ANTXR1: variants seen among roughly 807,000 people sequenced by gnomAD.
ANTXR1 encodes the protein anthrax toxin receptor 1.
A neutral mutation model predicts 78.1 loss-of-function variants in ANTXR1; 19 were observed. The observed-to-expected ratio is 0.24, with a 90% CI of 0.17 to 0.36. ANTXR1 has a LOEUF of 0.36. Ranked by LOEUF, ANTXR1 falls within the 10% of genes least tolerant of loss-of-function variation. The pLI is 1.00. For missense variants in ANTXR1, 518 were observed against 718.6 expected, an observed-to-expected ratio of 0.72 and a Z score of 3.19; for synonymous variants, 273 against 260.5, an observed-to-expected ratio of 1.05 and a Z score of -0.46.
At chr2:69,137,629 A>G (rs1341604267) in intron 12 of ANTXR1, among the ~76,000 whole-genome samples, 1 of 152,044 alleles carries the variant, frequency 6.6e-6, no homozygotes, top group East Asian at 1.9e-4. Context: ...TCTACAAAAA[A>G]TAGAAAAATT....
chr2:69,109,285 T>C (rs1441093836), intron 10 of ANTXR1, among the ~76,000 whole-genome samples: 2 of 152,216 alleles, frequency 1.3e-5, no homozygotes, highest in African/African-American at 2.4e-5. Flanking sequence ...TAACTGAGTA[T>C]TGTAAAGATA....
intron 17 of ANTXR1, among the ~76,000 whole-genome samples, chr2:69,219,529 T>C (rs1240925508): frequency 1.3e-5 from 2 of 152,274 alleles, no homozygotes; most frequent in East Asian, 3.9e-4. Context: ...TGAGCCACAA[T>C]AAGCAATATT....
intron 12 of ANTXR1, among the ~76,000 whole-genome samples, chr2:69,129,998 C>T (rs1387885873): frequency 2.0e-5 from 3 of 152,192 alleles, no homozygotes; most frequent in Non-Finnish European, 2.9e-5. Context: ...ATAGTTTGTT[C>T]ATGGGCTCTC....
At chr2:69,097,788 A>C (rs991265644) in intron 9 of ANTXR1, among the ~76,000 whole-genome samples, 2 of 152,260 alleles carry the variant, frequency 1.3e-5, no homozygotes, top group Non-Finnish European at 2.9e-5. Flanking sequence ...TTGTGTACAA[A>C]TGTTCATAGC....
intron 17 of ANTXR1, among the ~76,000 whole-genome samples, chr2:69,241,410 C>A (rs115601058): frequency 2.6e-5 from 4 of 152,092 alleles, no homozygotes; most frequent in African/African-American, 7.2e-5. Flanking sequence ...GTAACCACAC[C>A]CCTCTTACAA....
intron 17 of ANTXR1, among the ~76,000 whole-genome samples, chr2:69,244,298 T>C (rs1004985476): frequency 2.0e-5 from 3 of 152,224 alleles, no homozygotes; most frequent in Admixed American, 6.5e-5. Context: ...AAAAGCAGAA[T>C]TCAGGGCAGA....
intron 17 of ANTXR1, among the ~76,000 whole-genome samples, chr2:69,225,815 C>T (rs1232881721): frequency 6.6e-6 from 1 of 152,188 alleles, no homozygotes; most frequent in Non-Finnish European, 1.5e-5. Flanking sequence ...GGTGCTATTC[C>T]AGAGCTTCTT....
At chr2:69,233,328 A>G in intron 17 of ANTXR1, among the ~76,000 whole-genome samples, 1 of 151,920 alleles carries the variant, frequency 6.6e-6, no homozygotes, top group Non-Finnish European at 1.5e-5. Flanking sequence ...ACATGGCCAA[A>G]TTCACCTGTG....
At position 69,214,615 on chromosome 2, in the gene ANTXR1, C is replaced by T. The variant is rs1675133556; in HGVS notation, c.1434+21200C>T. ...AAGGCAGGATGAGGTTGTCTCTCCC[C>T]TGTTTCTCCATTTTGCTCTTCTCCT... On this transcript the variant is annotated intron_variant, in intron 17 of 17. Transcript: ENST00000303714. Among the ~76,000 whole-genome samples the T allele has an allele frequency of 3.3e-5, 5 of 152,216 alleles. No individual in the cohort carries two copies. In the South Asian group the frequency reaches 1.0e-3, roughly 32 times the overall value.
At chr2:69,102,992 G>T (rs760940820) in intron 10 of ANTXR1, 52 bp downstream of exon 10, 5 of 1,541,394 alleles carry the variant, frequency 3.2e-6, no homozygotes, top group Non-Finnish European at 9.0e-7. Context: ...TTCAAGGAAG[G>T]GAATTCCCAC....
At chr2:69,194,528 A>G (rs1674617995) in intron 17 of ANTXR1, among the ~76,000 whole-genome samples, 2 of 152,184 alleles carry the variant, frequency 1.3e-5, no homozygotes, top group Non-Finnish European at 2.9e-5. Flanking sequence ...TAATGTTTGT[A>G]AAGCATTTGG....
chr2:69,026,578 T>C (rs1196587432), intron 1 of ANTXR1, among the ~76,000 whole-genome samples: 1 of 152,232 alleles, frequency 6.6e-6, no homozygotes, highest in Admixed American at 6.5e-5. Context: ...ATCAGTTTGC[T>C]GATCAATATG....
chr2:69,220,527 A>G (rs1191870664), intron 17 of ANTXR1, among the ~76,000 whole-genome samples: 2 of 152,220 alleles, frequency 1.3e-5, no homozygotes, highest in Non-Finnish European at 2.9e-5. Flanking sequence ...GGTGTGTGAC[A>G]TTAAGATTAC....
At chr2:69,193,166 G>A (rs1674579991) in intron 16 of ANTXR1, among the ~76,000 whole-genome samples, 169 bp from the exon 17 acceptor site, 1 of 152,140 alleles carries the variant, frequency 6.6e-6, no homozygotes, top group Non-Finnish European at 1.5e-5. Flanking sequence ...CATTCATGAA[G>A]CTCCAGTTTT....
At chr2:69,239,585 T>C (rs1252881481) in intron 17 of ANTXR1, among the ~76,000 whole-genome samples, 1 of 152,208 alleles carries the variant, frequency 6.6e-6, no homozygotes, top group African/African-American at 2.4e-5. Flanking sequence ...TATAGAATAT[T>C]AGGGCTGAAA....
chr2:69,109,136 G>A (rs977579044), intron 10 of ANTXR1, among the ~76,000 whole-genome samples: 1 of 152,088 alleles, frequency 6.6e-6, no homozygotes, highest in Non-Finnish European at 1.5e-5. Flanking sequence ...GGCAATAATA[G>A]CCATACTATG....
intron 1 of ANTXR1, among the ~76,000 whole-genome samples, chr2:69,030,998 T>C (rs764792194): frequency 3.3e-5 from 5 of 152,226 alleles, no homozygotes; most frequent in Non-Finnish European, 7.3e-5. Flanking sequence ...AATTTTATTG[T>C]AGTACGGCCA....
intron 8 of ANTXR1, among the ~76,000 whole-genome samples, chr2:69,086,180 A>G (rs1179340668): frequency 6.6e-6 from 1 of 152,254 alleles, no homozygotes; most frequent in Non-Finnish European, 1.5e-5. Flanking sequence ...AAGCAGAGCA[A>G]GTAGAAAAAA....
intron 12 of ANTXR1, among the ~76,000 whole-genome samples, chr2:69,142,093 G>A (rs954435403): frequency 1.3e-5 from 2 of 152,188 alleles, no homozygotes; most frequent in Admixed American, 6.5e-5. Flanking sequence ...CTTACTCAAA[G>A]CCCACATATT....
Sources: gnomAD v4.1 joint callset for allele counts (sites outside exome capture counted in the v4.1 genomes callset) on GRCh38, gnomAD v4.1.1 for gene constraint, MANE v1.5 for transcripts, NCBI Gene and HGNC (gene_info 2026-07-23, HGNC 2026-07-21) for gene names.